The following EYS variants were observed in gnomAD, a reference collection of about 807,000 sequenced individuals.
The protein encoded by EYS is protein eyes shut homolog.
EYS carries 250 observed loss-of-function variants against 282.1 expected under a neutral mutation model. The ratio of observed to expected loss-of-function variants is 0.89; its 90% CI spans 0.80 to 0.98. The LOEUF (loss-of-function observed/expected upper bound fraction) is 0.98. Ranked by LOEUF, EYS falls within the 50% of genes least tolerant of loss-of-function variation. The pLI is 0.00. For missense variants in EYS, 4,016 were observed against 3,709.0 expected, an observed-to-expected ratio of 1.08 and a Z score of -2.15; for synonymous variants, 1,355 against 1,282.9, an observed-to-expected ratio of 1.06 and a Z score of -1.20.
intron 5 of EYS, among the ~76,000 whole-genome samples, chr6:65,442,077 T>G (rs1768349856): frequency 1.3e-5 from 2 of 152,134 alleles, no homozygotes; most frequent in Non-Finnish European, 2.9e-5. Flanking sequence ...GAATTTATAG[T>G]AATTTTATTT....
intron 22 of EYS, among the ~76,000 whole-genome samples, chr6:64,639,436 A>G (rs1768057242): frequency 1.1e-5 from 1 of 90,944 alleles, no homozygotes; most frequent in African/African-American, 4.2e-5. Context: ...AATTTTTCCC[A>G]TTTCTTAATA....
At chr6:65,616,796 A>C (rs1209780356) in intron 2 of EYS, among the ~76,000 whole-genome samples, 1 of 152,068 alleles carries the variant, frequency 6.6e-6, no homozygotes, top group Admixed American at 6.6e-5. Flanking sequence ...AAAAACAAAA[A>C]AAAAAAGTAA....
intron 31 of EYS, among the ~76,000 whole-genome samples, chr6:64,120,357 TAAAA>T (rs34632243): frequency 1.3e-5 from 1 of 76,774 alleles, no homozygotes; most frequent in Non-Finnish European, 2.3e-5. Context: ...CTCCATCTCT[TAAAA>T]AAAAAAAAAA....
At chr6:63,815,958 C>G (rs1771167588) in intron 36 of EYS, among the ~76,000 whole-genome samples, 1 of 151,948 alleles carries the variant, frequency 6.6e-6, no homozygotes, top group Non-Finnish European at 1.5e-5. Context: ...AAATCTTAAC[C>G]AGGGATACTA....
At chr6:64,562,267 A>G (rs1339024665) in intron 26 of EYS, among the ~76,000 whole-genome samples, 1 of 151,756 alleles carries the variant, frequency 6.6e-6, no homozygotes, top group Non-Finnish European at 1.5e-5. Flanking sequence ...AAAATATATT[A>G]TTAGTCAAAT....
At chr6:65,187,968 T>G (rs931664550) in intron 12 of EYS, among the ~76,000 whole-genome samples, 5 of 151,696 alleles carry the variant, frequency 3.3e-5, no homozygotes, top group Non-Finnish European at 4.4e-5. Flanking sequence ...TGGCTTTTCT[T>G]AAGACATTAG....
chr6:64,852,820 C>G (rs1347030100), intron 19 of EYS, among the ~76,000 whole-genome samples: 1 of 152,068 alleles, frequency 6.6e-6, no homozygotes, highest in African/African-American at 2.4e-5. Flanking sequence ...AGTCATGGAA[C>G]AGAGTCTTCT....
intron 12 of EYS, among the ~76,000 whole-genome samples, chr6:65,131,627 G>A (rs1363360563): frequency 6.6e-6 from 1 of 151,838 alleles, no homozygotes; most frequent in Non-Finnish European, 1.5e-5. Context: ...CAAAATGTTA[G>A]ATCTCAAAGT....
chr6:65,704,532 A>G (rs1042650684), intron 1 of EYS, among the ~76,000 whole-genome samples: 1 of 152,224 alleles, frequency 6.6e-6, no homozygotes, highest in African/African-American at 2.4e-5. Context: ...GATGGAGAGT[A>G]TATCTCTTCA....
At chr6:64,484,322 G>T (rs1054716839) in intron 26 of EYS, among the ~76,000 whole-genome samples, 1 of 151,500 alleles carries the variant, frequency 6.6e-6, no homozygotes. Context: ...AAGTTATGGG[G>T]TTCTGCAGAG....
At chr6:64,346,869 C>A (rs1430861382) in intron 29 of EYS, among the ~76,000 whole-genome samples, 2 of 151,114 alleles carry the variant, frequency 1.3e-5, no homozygotes, top group South Asian at 4.1e-4. Flanking sequence ...ATGAAAAAAC[C>A]TACACTTCTA....
intron 22 of EYS, among the ~76,000 whole-genome samples, chr6:64,753,351 C>G (rs1370649986): frequency 6.6e-6 from 1 of 151,790 alleles, no homozygotes; most frequent in African/African-American, 2.4e-5. Flanking sequence ...CAGGGTTCAG[C>G]CAAATGCTGC....
At chr6:64,221,665 G>T (rs1304937371) in intron 31 of EYS, among the ~76,000 whole-genome samples, 1 of 152,036 alleles carries the variant, frequency 6.6e-6, no homozygotes, top group East Asian at 1.9e-4. Context: ...ATATTAAATA[G>T]AAAATTCCAG....
At chr6:63,925,800 C>T (rs566788638) in intron 35 of EYS, among the ~76,000 whole-genome samples, 16 of 152,272 alleles carry the variant, frequency 1.1e-4, no homozygotes, top group East Asian at 1.9e-4. Context: ...CGTGGCACCA[C>T]GCCTGGCTAA....
chr6:65,405,895 C>T (rs540530311), intron 5 of EYS, among the ~76,000 whole-genome samples: 8 of 152,052 alleles, frequency 5.3e-5, no homozygotes, highest in South Asian at 2.1e-4. Context: ...TACAATTATT[C>T]GAAGGAATAT....
intron 33 of EYS, among the ~76,000 whole-genome samples, chr6:64,035,631 G>A (rs1381394354): frequency 6.6e-6 from 1 of 152,210 alleles, no homozygotes; most frequent in African/African-American, 2.4e-5. Context: ...CTGAAAATGT[G>A]CAGGGGAAAT....
chr6:64,032,108 C>T (rs1030730234), intron 33 of EYS, among the ~76,000 whole-genome samples: 5 of 152,238 alleles, frequency 3.3e-5, no homozygotes, highest in South Asian at 2.1e-4. Flanking sequence ...CAACTCCAGA[C>T]GTGCCACCTT....
At chr6:65,065,957 T>C (rs1485378066) in intron 12 of EYS, among the ~76,000 whole-genome samples, 1 of 152,324 alleles carries the variant, frequency 6.6e-6, no homozygotes, top group East Asian at 1.9e-4. Flanking sequence ...TATCTACAAC[T>C]GAATGGCCCT....
chr6:64,707,252 C>A (rs929695400), intron 22 of EYS, among the ~76,000 whole-genome samples: 1 of 151,970 alleles, frequency 6.6e-6, no homozygotes, highest in Admixed American at 6.6e-5. Context: ...GAATGGAAAA[C>A]CAAACATTGT....
Sources: gnomAD v4.1 joint callset for allele counts (sites outside exome capture counted in the v4.1 genomes callset) on GRCh38, gnomAD v4.1.1 for gene constraint, MANE v1.5 for transcripts, NCBI Gene and HGNC (gene_info 2026-07-23, HGNC 2026-07-21) for gene names.